Variants in MGAT4A observed in about 807,000 individuals in gnomAD.
The protein encoded by MGAT4A is alpha-1,3-mannosyl-glycoprotein 4-beta-N-acetylglucosaminyltransferase A, also known as N-acetylglucosaminyltransferase IVa.
A neutral mutation model predicts 74.1 loss-of-function variants in MGAT4A; 33 were observed. That is an observed-to-expected ratio of 0.45 (90% CI 0.34 to 0.60). The LOEUF (loss-of-function observed/expected upper bound fraction) is 0.60, where lower values mean the gene tolerates loss of function less well. MGAT4A is among the 20% of genes least tolerant of loss of function. The pLI, the probability that MGAT4A is intolerant of heterozygous loss-of-function variation, is 0.02. For synonymous variants in MGAT4A, 198 were observed against 210.4 expected (o/e 0.94, Z 0.51); for missense variants, 479 against 628.3 (o/e 0.76, Z 2.54).
chr2:98,687,929 GA>G (rs976707099), intron 2 of MGAT4A, among the ~76,000 whole-genome samples: 1 of 152,020 alleles, frequency 6.6e-6, no homozygotes, highest in Middle Eastern at 3.2e-3. Context: ...ACTGAAAAAG[GA>G]AAAAAACAAA....
intron 4 of MGAT4A, chr2:98,663,511 G>T: frequency 7.6e-7 from 1 of 1,314,778 alleles, no homozygotes. Flanking sequence ...AAAAACTAAT[G>T]TCTTATCTCT....
At position 98,726,475 on chromosome 2, in the gene MGAT4A, C is replaced by G. The variant is rs1702764133; in HGVS notation, c.-143G>C. The G allele has an allele frequency of 1.6e-6, 1 of 608,242 alleles. No individual in the cohort carries two copies. 37.7% of individuals were successfully genotyped at this position (608,242 alleles called of 1,614,324 possible). ...ATAAGAGAGGTTCATTTCAGATGAT[C>G]TGCAGGAGGAGCCTAGCAGCAATGC... On this transcript the variant is annotated 5_prime_UTR_variant, in exon 2 of 16. Coordinates refer to ENST00000393487, the MANE Select transcript of MGAT4A (RefSeq NM_012214.3).
rs1391540066 is a variant in MGAT4A, at chr2:98,655,551, GGAATCA to G, written c.699-37_699-32del. 4.8e-6 allele frequency: 7 copies of G among 1,447,384 alleles called. No individual in the cohort carries two copies. In the Admixed American group the frequency reaches 1.1e-4, roughly 23 times the overall value. The allele number at this position is 1,447,384 out of a possible 1,614,324, so 89.7% of individuals were successfully genotyped here. On this transcript the variant is annotated intron_variant, in intron 7 of 15. Transcript: ENST00000393487. ...ATAAACATTTTCAAAAAGTAAGTTA[GGAATCA>G]GACTCAAATTTAGTAAAATAAGATT...
intron 1 of MGAT4A, among the ~76,000 whole-genome samples, chr2:98,730,539 G>C (rs10174321): frequency 2.0e-5 from 3 of 151,478 alleles, no homozygotes; most frequent in South Asian, 2.1e-4. Context: ...GGACCGTCCG[G>C]CCCCGCCCAC....
chr2:98,663,583 A>C (rs1701784500), intron 4 of MGAT4A: 1 of 685,998 alleles, frequency 1.5e-6, no homozygotes, highest in Non-Finnish European at 2.1e-6. Context: ...TGTTCTTGCC[A>C]ACAATGCATA....
At chr2:98,722,850 C>A (rs1702696650) in intron 2 of MGAT4A, among the ~76,000 whole-genome samples, 1 of 152,094 alleles carries the variant, frequency 6.6e-6, no homozygotes, top group Non-Finnish European at 1.5e-5. Context: ...TGGACAGGGA[C>A]CCGTGACTGC....
intron 2 of MGAT4A, among the ~76,000 whole-genome samples, chr2:98,690,846 G>T (rs1250576153): frequency 2.0e-5 from 3 of 151,982 alleles, no homozygotes; most frequent in South Asian, 2.1e-4. Context: ...TATAATAATT[G>T]AAACAAAAAA....
At chr2:98,674,733 A>T (rs17448211) in intron 4 of MGAT4A, among the ~76,000 whole-genome samples, 35,639 of 152,148 alleles carry the variant, frequency 0.23, 4,929 homozygotes, top group Non-Finnish European at 0.32. Context: ...ATAAGATACA[A>T]GGCAAGTCAT....
intron 14 of MGAT4A, among the ~76,000 whole-genome samples, chr2:98,634,612 C>T (rs1701289737): frequency 1.3e-5 from 2 of 151,504 alleles, no homozygotes; most frequent in Admixed American, 1.3e-4. Flanking sequence ...ATTGGAGGCA[C>T]AGAGCAGCCT....
At chr2:98,712,198 T>C (rs1702527857) in intron 2 of MGAT4A, among the ~76,000 whole-genome samples, 3 of 152,208 alleles carry the variant, frequency 2.0e-5, no homozygotes, top group African/African-American at 7.2e-5. Flanking sequence ...ACACAGCGAA[T>C]ACCTTTCTCC....
At position 98,683,764 on chromosome 2, in the gene MGAT4A, G is replaced by A. The variant is rs182226427; in HGVS notation, c.95-5293C>T. ...TAAGCAGTCCCAGTAGAGAAATGCC[G>A]CACCCCTAATTCTAAAATGCTTCCC... On this transcript the variant is annotated intron_variant, in intron 2 of 15. Coordinates refer to ENST00000393487, the MANE Select transcript of MGAT4A (RefSeq NM_012214.3). Among the ~76,000 whole-genome samples, 42 of 152,196 alleles carry A rather than the reference G, an allele frequency of 2.8e-4. 1 individual carries two copies. In the East Asian group the frequency reaches 6.2e-3, roughly 22 times the overall value.
At chr2:98,661,361 G>A (rs1701747474) in intron 5 of MGAT4A, among the ~76,000 whole-genome samples, 1 of 152,160 alleles carries the variant, frequency 6.6e-6, no homozygotes, top group African/African-American at 2.4e-5. Flanking sequence ...ATCAAGCTCT[G>A]AGTATAGGTT....
chr2:98,638,057 CCTACAG>C (rs1701350382), intron 12 of MGAT4A, among the ~76,000 whole-genome samples: 1 of 152,146 alleles, frequency 6.6e-6, no homozygotes, highest in Non-Finnish European at 1.5e-5. Flanking sequence ...AGTTTTACTT[CCTACAG>C]CTGCGTGTGA....
rs977502450 is a variant in MGAT4A, at chr2:98,700,509, T to G, written c.95-22038A>C. ...TAGACAACCCCAAAGACCTTTTGTT[T>G]ATGTGAATTATATCAATCAACATTT... On this transcript the variant is annotated intron_variant, in intron 2 of 15. Coordinates refer to ENST00000393487, the MANE Select transcript of MGAT4A (RefSeq NM_012214.3). Among the ~76,000 whole-genome samples the G allele has an allele frequency of 1.3e-5, 2 of 151,996 alleles. 1 individual carries two copies. The highest frequency in any genetic ancestry group is 4.1e-4 in the South Asian group (2 of 4,832).
At chr2:98,628,661 A>C (rs1242560850) in intron 14 of MGAT4A, among the ~76,000 whole-genome samples, 1 of 152,246 alleles carries the variant, frequency 6.6e-6, no homozygotes, top group Non-Finnish European at 1.5e-5. Flanking sequence ...TAACTGCACA[A>C]TAACTACAAT....
intron 4 of MGAT4A, among the ~76,000 whole-genome samples, chr2:98,668,555 G>A (rs769578456): frequency 5.9e-5 from 9 of 152,226 alleles, no homozygotes; most frequent in Non-Finnish European, 8.8e-5. Context: ...AGCGCAGTGC[G>A]GAAGGGACAT....
chr2:98,717,132 C>A (rs989519413), intron 2 of MGAT4A, among the ~76,000 whole-genome samples: 2 of 152,142 alleles, frequency 1.3e-5, no homozygotes, highest in African/African-American at 4.8e-5. Context: ...GTAATCCCAG[C>A]ACTTTGGGAA....
At chr2:98,711,657 A>G (rs1376592844) in intron 2 of MGAT4A, among the ~76,000 whole-genome samples, 1 of 152,166 alleles carries the variant, frequency 6.6e-6, no homozygotes, top group East Asian at 1.9e-4. Context: ...ACAAGAGAAA[A>G]AAAGACATGT....
At chr2:98,718,211 T>C (rs1702617328) in intron 2 of MGAT4A, among the ~76,000 whole-genome samples, 1 of 150,672 alleles carries the variant, frequency 6.6e-6, no homozygotes, top group Admixed American at 6.6e-5. Flanking sequence ...GCATGTCAGT[T>C]TAATCAGCAG....
Sources: gnomAD v4.1 joint callset for allele counts (sites outside exome capture counted in the v4.1 genomes callset) on GRCh38, gnomAD v4.1.1 for gene constraint, MANE v1.5 for transcripts, NCBI Gene and HGNC (gene_info 2026-07-23, HGNC 2026-07-21) for gene names.